The following KAZN variants were observed in gnomAD, a reference collection of about 807,000 sequenced individuals.
KAZN encodes kazrin.
A neutral mutation model predicts 87.4 loss-of-function variants in KAZN; 40 were observed. The ratio of observed to expected loss-of-function variants is 0.46; its 90% confidence interval spans 0.36 to 0.60. The LOEUF is 0.60. KAZN is among the 20% of genes least tolerant of loss of function. The probability of loss-of-function intolerance (pLI) is 0.00; values close to 1 mark genes in which losing one functional copy is unlikely to be tolerated. For synonymous variants in KAZN, 466 were observed against 458.3 expected (o/e 1.02, Z -0.22); for missense variants, 898 against 1,073.9 (o/e 0.84, Z 2.29).
At chr1:15,012,271 C>T (rs1266327303) in intron 2 of KAZN, among the ~76,000 whole-genome samples, 1 of 152,176 alleles carries the variant, frequency 6.6e-6, no homozygotes, top group African/African-American at 2.4e-5. Flanking sequence ...CTCCAGTTTC[C>T]TGCTGGTAGA....
At chr1:14,166,586 C>T (rs1645831353) in intron 1 of KAZN, among the ~76,000 whole-genome samples, 1 of 140,012 alleles carries the variant, frequency 7.1e-6, no homozygotes, top group South Asian at 2.4e-4. Context: ...GTTATTGCTG[C>T]TTTTGTTATA....
chr1:14,489,290 T>A (rs1669523026), intron 2 of KAZN, among the ~76,000 whole-genome samples: 1 of 152,202 alleles, frequency 6.6e-6, no homozygotes, highest in Non-Finnish European at 1.5e-5. Flanking sequence ...CACATCTATA[T>A]AAGTTCTGTG....
intron 1 of KAZN, among the ~76,000 whole-genome samples, chr1:14,642,546 G>A (rs937443084): frequency 1.3e-5 from 2 of 152,174 alleles, no homozygotes; most frequent in South Asian, 2.1e-4. Context: ...AGGCTGGAGG[G>A]GTTGGGGAAA....
At chr1:14,346,500 A>G (rs767632990) in intron 2 of KAZN, among the ~76,000 whole-genome samples, 3 of 152,086 alleles carry the variant, frequency 2.0e-5, no homozygotes, top group South Asian at 2.1e-4. Flanking sequence ...GAGCACAAAG[A>G]AGGAGGTAGA....
intron 3 of KAZN, among the ~76,000 whole-genome samples, chr1:15,036,404 A>G (rs1038106082): frequency 5.0e-5 from 5 of 100,260 alleles, no homozygotes; most frequent in Admixed American, 1.1e-4. Flanking sequence ...TGCCCTGACC[A>G]CCCAGCTCCC....
intron 1 of KAZN, among the ~76,000 whole-genome samples, chr1:14,602,085 C>T (rs1057384035): frequency 2.6e-5 from 4 of 152,112 alleles, no homozygotes; most frequent in Admixed American, 2.0e-4. Flanking sequence ...GGGATGACAA[C>T]GGGCAGTAGG....
chr1:14,752,848 A>T (rs1231188172), intron 1 of KAZN, among the ~76,000 whole-genome samples: 1 of 152,186 alleles, frequency 6.6e-6, no homozygotes, highest in African/African-American at 2.4e-5. Flanking sequence ...GTCTGTTCAA[A>T]TCTAACAAAA....
intron 1 of KAZN, among the ~76,000 whole-genome samples, chr1:14,693,413 C>T (rs139964030): frequency 2.0e-4 from 30 of 152,296 alleles, no homozygotes; most frequent in African/African-American, 6.7e-4. Flanking sequence ...TGTTGAGAGC[C>T]ATCACCTGGA....
intron 1 of KAZN, among the ~76,000 whole-genome samples, chr1:14,936,972 C>T (rs1057413347): frequency 6.6e-6 from 1 of 152,218 alleles, no homozygotes; most frequent in African/African-American, 2.4e-5. Context: ...CTACCCTTCA[C>T]CTTGCTAGTT....
At chr1:13,920,374 T>A (rs1170142943) in intron 1 of KAZN, among the ~76,000 whole-genome samples, 2 of 152,186 alleles carry the variant, frequency 1.3e-5, no homozygotes, top group Non-Finnish European at 2.9e-5. Context: ...TGTTTACCTG[T>A]CCTGTACTCA....
chr1:14,870,636 C>T (rs954970261), intron 1 of KAZN, among the ~76,000 whole-genome samples: 1 of 152,146 alleles, frequency 6.6e-6, no homozygotes, highest in Non-Finnish European at 1.5e-5. Context: ...CCCCCAGGCC[C>T]GGTTTTCCTC....
At chr1:14,423,270 A>G (rs1441550244) in intron 2 of KAZN, among the ~76,000 whole-genome samples, 1 of 152,186 alleles carries the variant, frequency 6.6e-6, no homozygotes, top group African/African-American at 2.4e-5. Flanking sequence ...TCAGATTTAA[A>G]AGCCTGCAGT....
At chr1:13,928,754 T>C (rs1640382888) in intron 1 of KAZN, among the ~76,000 whole-genome samples, 1 of 152,202 alleles carries the variant, frequency 6.6e-6, no homozygotes, top group Admixed American at 6.5e-5. Flanking sequence ...GAGAATTCTT[T>C]AAAGCATTGC....
intron 1 of KAZN, among the ~76,000 whole-genome samples, chr1:14,122,430 C>CT: frequency 6.6e-6 from 1 of 152,124 alleles, no homozygotes. Flanking sequence ...GAGCACACTG[C>CT]TTTTTGACAG....
At chr1:14,545,685 A>G (rs986293627) in intron 2 of KAZN, among the ~76,000 whole-genome samples, 9 of 152,176 alleles carry the variant, frequency 5.9e-5, no homozygotes, top group African/African-American at 1.9e-4. Context: ...ACAAAGTTGT[A>G]TTGTTCATCC....
intron 2 of KAZN, among the ~76,000 whole-genome samples, chr1:14,997,197 TTTCTTTCA>T (rs974699285): frequency 1.2e-4 from 15 of 129,508 alleles, no homozygotes; most frequent in East Asian, 6.4e-4. Flanking sequence ...CTTTTCTTTC[TTTCTTTCA>T]TTTATTTATT....
At chr1:14,033,621 G>A (rs1641420166) in intron 1 of KAZN, among the ~76,000 whole-genome samples, 1 of 152,210 alleles carries the variant, frequency 6.6e-6, no homozygotes, top group African/African-American at 2.4e-5. Flanking sequence ...TATTGAAAGT[G>A]AGGAAGGTGT....
chr1:14,192,361 G>A (rs1182946206), intron 2 of KAZN, among the ~76,000 whole-genome samples: 1 of 152,124 alleles, frequency 6.6e-6, no homozygotes, highest in Admixed American at 6.5e-5. Context: ...CACAGGACAG[G>A]GTGGGAGCTC....
intron 12 of KAZN, 133 bp from the exon 13 acceptor site, chr1:15,103,890 C>A: frequency 1.1e-6 from 1 of 887,476 alleles, no homozygotes; most frequent in Non-Finnish European, 1.7e-6. Flanking sequence ...GGTTCCTCTT[C>A]ACCGTCAAAT....
Sources: allele counts gnomAD v4.1 joint callset (sites outside exome capture counted in the v4.1 genomes callset), GRCh38; gene constraint gnomAD v4.1.1; transcripts MANE v1.5; gene names NCBI Gene and HGNC (gene_info 2026-07-23, HGNC 2026-07-21).